Variants in TCF4 observed in about 807,000 individuals in gnomAD.
The protein encoded by TCF4 is transcription factor 4, also known as SL3-3 enhancer factor 2.
A neutral mutation model predicts 82.1 loss-of-function variants in TCF4; 3 were observed. The observed-to-expected ratio is 0.04, with a 90% CI of 0.02 to 0.09. TCF4 has a LOEUF of 0.09. Ranked by LOEUF, TCF4 falls within the 10% of genes least tolerant of loss-of-function variation. The pLI is 1.00. For missense variants in TCF4, 518 were observed against 852.7 expected (o/e 0.61, Z 4.89); for synonymous variants, 276 against 309.6 (o/e 0.89, Z 1.14).
intron 3 of TCF4, among the ~76,000 whole-genome samples, chr18:55,576,964 C>T (rs969689757): frequency 5.3e-5 from 8 of 151,202 alleles, no homozygotes; most frequent in African/African-American, 1.9e-4. Flanking sequence ...ATATTGGACA[C>T]CCCTGTGTTA....
Position 55,587,337 on chromosome 18 carries a change from C to CAAAAAAAAAA in TCF4, c.-20-211_-20-202dup, listed in dbSNP as rs1159348981. On this transcript the variant is annotated intron_variant, in intron 1 of 19. Transcript: ENST00000354452. ...TTTAAGATGGAATAGGCAGCAATAG[C>CAAAAAAAAAA]AAAAAAAAAAAAAAAAAAAAAAAAA... The CAAAAAAAAAA allele has an allele frequency of 2.8e-4, 2 of 7,104 alleles. 1 individual carries two copies. The highest frequency in any genetic ancestry group is 5.1e-4 in the Non-Finnish European group (2 of 3,922). The allele number at this position is 7,104 out of a possible 1,614,324, so 0.4% of individuals were successfully genotyped here.
chr18:55,253,920 C>T (rs1004910991), intron 15 of TCF4, among the ~76,000 whole-genome samples: 3 of 152,168 alleles, frequency 2.0e-5, no homozygotes, highest in Non-Finnish European at 4.4e-5. Flanking sequence ...TCAAGGGAAA[C>T]ATGTGTCTGC....
chr18:55,295,537 G>A (rs2066279311), intron 8 of TCF4, among the ~76,000 whole-genome samples: 1 of 151,980 alleles, frequency 6.6e-6, no homozygotes, highest in Non-Finnish European at 1.5e-5. Flanking sequence ...TGCCTCCCTT[G>A]GCTTCTCTGA....
chr18:55,252,711 C>T (rs1029021119), intron 15 of TCF4, among the ~76,000 whole-genome samples: 3 of 152,064 alleles, frequency 2.0e-5, no homozygotes, highest in Admixed American at 1.3e-4. Flanking sequence ...ATGTTACATC[C>T]GTTTAACATA....
intron 8 of TCF4, among the ~76,000 whole-genome samples, chr18:55,280,021 GA>G (rs1298612942): frequency 1.3e-5 from 2 of 152,068 alleles, no homozygotes; most frequent in Non-Finnish European, 2.9e-5. Context: ...GGTAAAAACA[GA>G]AAGACATGCA....
intron 5 of TCF4, among the ~76,000 whole-genome samples, chr18:55,411,602 T>A (rs1423504360): frequency 2.0e-5 from 3 of 152,162 alleles, no homozygotes; most frequent in African/African-American, 7.2e-5. Flanking sequence ...AAAAGCAATT[T>A]CCTCAAATTC....
At chr18:55,443,185 C>A (rs1195887296) in intron 5 of TCF4, among the ~76,000 whole-genome samples, 1 of 152,196 alleles carries the variant, frequency 6.6e-6, no homozygotes, top group Non-Finnish European at 1.5e-5. Context: ...GGATACTAAT[C>A]TATGCCCTTC....
At chr18:55,425,890 G>A (rs888243020) in intron 5 of TCF4, among the ~76,000 whole-genome samples, 3 of 152,084 alleles carry the variant, frequency 2.0e-5, no homozygotes, top group Non-Finnish European at 4.4e-5. Context: ...TGGCTCAATC[G>A]CTCTGCTCAG....
intron 2 of TCF4, among the ~76,000 whole-genome samples, chr18:55,609,237 A>G (rs2097704932): frequency 6.6e-6 from 1 of 152,164 alleles, no homozygotes; most frequent in Non-Finnish European, 1.5e-5. Context: ...ATGGTCGGAG[A>G]AGGCTGTGCT....
chr18:55,503,087 G>A (rs1160229789), intron 3 of TCF4, among the ~76,000 whole-genome samples: 1 of 152,132 alleles, frequency 6.6e-6, no homozygotes, highest in Non-Finnish European at 1.5e-5. Context: ...TTAGTTACTA[G>A]TGCAACATTA....
chr18:55,402,655 T>C (rs182231191), intron 6 of TCF4, among the ~76,000 whole-genome samples: 2 of 152,272 alleles, frequency 1.3e-5, no homozygotes, highest in East Asian at 1.9e-4. Context: ...TTTAAATACA[T>C]GATTAATACT....
At chr18:55,499,386 T>C (rs939872160) in intron 3 of TCF4, among the ~76,000 whole-genome samples, 1 of 152,174 alleles carries the variant, frequency 6.6e-6, no homozygotes, top group African/African-American at 2.4e-5. Flanking sequence ...GTGAAAGCCT[T>C]AGTAGAGGCA....
At chr18:55,229,425 C>T (rs2047242618) in intron 17 of TCF4, 2 of 325,332 alleles carry the variant, frequency 6.1e-6, no homozygotes, top group Non-Finnish European at 1.2e-5. Flanking sequence ...CAGGCATTCA[C>T]CAACTTACGC....
chr18:55,545,163 T>G (rs997139434), intron 3 of TCF4, among the ~76,000 whole-genome samples: 1 of 152,200 alleles, frequency 6.6e-6, no homozygotes, highest in Non-Finnish European at 1.5e-5. Flanking sequence ...AACAGGGATC[T>G]GCTACTTCAC....
chr18:55,524,468 C>T (rs1384968094), intron 3 of TCF4, among the ~76,000 whole-genome samples: 1 of 152,098 alleles, frequency 6.6e-6, no homozygotes, highest in African/African-American at 2.4e-5. Flanking sequence ...TCTTGCTAAT[C>T]ATTTTCAGAT....
At chr18:55,588,339 G>C, upstream of TCF4, 1 of 1,484,738 alleles carries the variant, frequency 6.7e-7, no homozygotes, top group Non-Finnish European at 8.9e-7. Flanking sequence ...GCTCCGGCGG[G>C]GAGACGCGAC....
chr18:55,254,566 A>G lies in TCF4; in HGVS notation c.1281T>C (p.Asn427=), dbSNP rs781653715. 8.1e-6 allele frequency: 13 copies of G among 1,613,726 alleles called. No individual in the cohort carries two copies. The African/African-American group carries it at 1.7e-4, about 22-fold the overall frequency. Residue 427 remains asparagine, a synonymous_variant, in exon 15 of 20, where the codon AAT becomes AAC. Coordinates refer to ENST00000354452, the MANE Select transcript of TCF4 (RefSeq NM_001083962.2). ...DMHGIIGPSH[N]GAMGGLGSGY... ...CTGAGCCCAGACCACCCATGGCTCC[A>G]TTATGAGAAGGTCCAATGATTCCAT...
chr18:55,544,413 A>T (rs374345977), intron 3 of TCF4, among the ~76,000 whole-genome samples: 14 of 152,216 alleles, frequency 9.2e-5, no homozygotes, highest in African/African-American at 3.4e-4. Context: ...GAAGTTAAAT[A>T]ACTCACACTA....
rs1353614907 is a variant in TCF4 at position 55,224,176 on chromosome 18, T to C, written c.*3859A>G. On this transcript the variant is annotated 3_prime_UTR_variant, in exon 20 of 20. Transcript: ENST00000354452. ...TGGTAAATCTCTGCTTTTTTTTTTT[T>C]TTTCTTATCTTCACTTAATTGCATC... is the stretch of plus-strand genomic sequence containing the variant. 2 of 152,000 alleles carry C rather than the reference T, an allele frequency of 1.3e-5. No individual in the cohort carries two copies. The highest frequency in any genetic ancestry group is 1.9e-4 in the East Asian group (1 of 5,188). 9.4% of individuals were successfully genotyped at this position (152,000 alleles called of 1,614,324 possible). A position where few individuals can be genotyped will look rare whatever the true frequency, so the allele number is the denominator to read the frequency against.
Sources: gnomAD v4.1 joint callset for allele counts (sites outside exome capture counted in the v4.1 genomes callset) on GRCh38, gnomAD v4.1.1 for gene constraint, MANE v1.5 for transcripts, NCBI Gene and HGNC (gene_info 2026-07-23, HGNC 2026-07-21) for gene names.